GATAD2B: variants seen among roughly 807,000 people sequenced by gnomAD.
GATAD2B encodes the protein GATA zinc finger domain containing 2B.
Under a neutral mutation model 64.3 loss-of-function variants are expected in GATAD2B, and 8 were observed. That is an observed-to-expected ratio of 0.12 (90% confidence interval 0.07 to 0.22). GATAD2B has a LOEUF of 0.22. GATAD2B is among the 10% of genes least tolerant of loss of function. GATAD2B has a pLI of 1.00. For missense variants in GATAD2B, 453 were observed against 752.0 expected, an observed-to-expected ratio of 0.60 and a Z score of 4.65; for synonymous variants, 281 against 271.3, an observed-to-expected ratio of 1.04 and a Z score of -0.35.
intron 1 of GATAD2B, among the ~76,000 whole-genome samples, chr1:153,915,056 C>G (rs1025729284): frequency 1.3e-5 from 2 of 152,212 alleles, no homozygotes; most frequent in African/African-American, 4.8e-5. Context: ...AACTCTGACT[C>G]TGCTAAAAAC....
chr1:153,900,193 G>A (rs976111371), intron 1 of GATAD2B, among the ~76,000 whole-genome samples: 12 of 152,098 alleles, frequency 7.9e-5, no homozygotes, highest in African/African-American at 2.9e-4. Flanking sequence ...CGAGGCAGGC[G>A]GATCACGAGG....
At chr1:153,824,117 A>G (rs1674784704) in intron 2 of GATAD2B, among the ~76,000 whole-genome samples, 1 of 152,168 alleles carries the variant, frequency 6.6e-6, no homozygotes, top group African/African-American at 2.4e-5. Context: ...ATTGTGTTTC[A>G]AAAGATCACC....
At chr1:153,907,525 T>C (rs952802130) in intron 1 of GATAD2B, among the ~76,000 whole-genome samples, 4 of 152,162 alleles carry the variant, frequency 2.6e-5, no homozygotes, top group South Asian at 2.1e-4. Context: ...TAGTTCAATA[T>C]ATACAAAGTT....
chr1:153,829,519 C>T (rs767103372), intron 1 of GATAD2B, among the ~76,000 whole-genome samples: 22 of 151,502 alleles, frequency 1.5e-4, no homozygotes, highest in Admixed American at 2.6e-4. Flanking sequence ...GGGTGGATCA[C>T]GAGGTCAGGA....
intron 1 of GATAD2B, among the ~76,000 whole-genome samples, chr1:153,914,270 C>G (rs1202565835): frequency 6.7e-6 from 1 of 148,460 alleles, no homozygotes; most frequent in African/African-American, 2.5e-5. Flanking sequence ...GAGCAAAGCT[C>G]AACTTGTGTA....
chr1:153,876,996 G>A (rs1041848844), intron 1 of GATAD2B, among the ~76,000 whole-genome samples: 4 of 151,848 alleles, frequency 2.6e-5, no homozygotes, highest in Admixed American at 2.6e-4. Flanking sequence ...CAGCCTGGGT[G>A]AAAGGCGAGA....
chr1:153,904,076 C>T (rs1025249065), intron 1 of GATAD2B, among the ~76,000 whole-genome samples: 2 of 151,982 alleles, frequency 1.3e-5, no homozygotes. Context: ...GTCAGGAGTT[C>T]GAGACCAGTC....
chr1:153,897,885 C>T (rs539842113), intron 1 of GATAD2B, among the ~76,000 whole-genome samples: 2 of 151,920 alleles, frequency 1.3e-5, no homozygotes, highest in South Asian at 2.1e-4. Context: ...GTGGCTCACA[C>T]CTGTAATCCC....
At chr1:153,827,701 G>T in intron 2 of GATAD2B, 1 of 316,582 alleles carries the variant, frequency 3.2e-6, no homozygotes, top group Admixed American at 4.5e-5. Flanking sequence ...TCCTAAGACG[G>T]CCATGAAGAT....
intron 1 of GATAD2B, among the ~76,000 whole-genome samples, chr1:153,871,055 C>T (rs1041248010): frequency 3.3e-5 from 5 of 150,974 alleles, no homozygotes; most frequent in Admixed American, 6.6e-5. Flanking sequence ...GGTGCTACCA[C>T]GCCTGGTGTT....
At chr1:153,894,786 C>A (rs925430959) in intron 1 of GATAD2B, among the ~76,000 whole-genome samples, 1 of 151,246 alleles carries the variant, frequency 6.6e-6, no homozygotes, top group African/African-American at 2.4e-5. Context: ...CGCTTGAACC[C>A]GAGAGGCAGA....
intron 1 of GATAD2B, among the ~76,000 whole-genome samples, chr1:153,833,155 T>C (rs1018501757): frequency 3.3e-5 from 5 of 152,180 alleles, no homozygotes; most frequent in Non-Finnish European, 7.3e-5. Context: ...TGTAGAGCAC[T>C]ATGATTGCAC....
At chr1:153,815,297 A>C (rs1484393658) in intron 7 of GATAD2B, among the ~76,000 whole-genome samples, 2 of 148,582 alleles carry the variant, frequency 1.3e-5, no homozygotes, top group African/African-American at 4.9e-5. Flanking sequence ...AAAAAACAAA[A>C]AAAAAAAAAA....
chr1:153,910,001 G>A (rs1197781469), intron 1 of GATAD2B, among the ~76,000 whole-genome samples: 1 of 150,984 alleles, frequency 6.6e-6, no homozygotes, highest in Non-Finnish European at 1.5e-5. Context: ...TGTAGTTCCA[G>A]CCACTCAGGA....
Position 153,828,015 on chromosome 1 carries a change from C to T in GATAD2B, c.333G>A (p.Arg111=). ...GAGGCAGCTGAACTGAGCCATACCT[C>T]CGTCTAGCACTCATATCCACAGGCT... ...NDEPVDMSAR[R]SEPERGRLTP... The change falls in exon 2 of 11, where the codon CGG becomes CGA. Residue 111 remains arginine (R), a splice_region_variant and synonymous_variant. Coordinates refer to ENST00000368655, the MANE Select transcript of GATAD2B (RefSeq NM_020699.4). 3 of 1,611,962 alleles carry T rather than the reference C, an allele frequency of 1.9e-6. No individual in the cohort carries two copies. The highest frequency in any genetic ancestry group is 1.1e-5 in the South Asian group (1 of 91,004).
At chr1:153,829,830 T>C (rs970395813) in intron 1 of GATAD2B, among the ~76,000 whole-genome samples, 1 of 152,012 alleles carries the variant, frequency 6.6e-6, no homozygotes, top group African/African-American at 2.4e-5. Flanking sequence ...CCGGGTGCAG[T>C]GGCTCACGCT....
chr1:153,819,692 CAAT>C lies in GATAD2B; in HGVS notation c.376_378del (p.Ile126del). 1.9e-6 allele frequency: 3 copies of C among 1,610,756 alleles called. No homozygotes were observed. The highest frequency in any genetic ancestry group is 2.5e-6 in the Non-Finnish European group (3 of 1,178,094). ...CTGGAAGCCTCATTGTCAGACAAAA[CAAT>C]GATGTCTGGTGAGGGAGTTAGCCTT... On this transcript the variant is annotated inframe_deletion, in exon 3 of 11. Coordinates refer to ENST00000368655, the MANE Select transcript of GATAD2B (RefSeq NM_020699.4).
chr1:153,922,402 AG>A (rs1231088874), intron 1 of GATAD2B, among the ~76,000 whole-genome samples: 1 of 150,684 alleles, frequency 6.6e-6, no homozygotes, highest in Non-Finnish European at 1.5e-5. Flanking sequence ...GAGGGGAGAA[AG>A]AGTACAAGGA....
intron 1 of GATAD2B, among the ~76,000 whole-genome samples, chr1:153,907,105 G>T (rs998974131): frequency 1.3e-5 from 2 of 152,104 alleles, no homozygotes; most frequent in African/African-American, 4.8e-5. Context: ...CTCAAAAACC[G>T]AATTATCATG....
Sources: allele counts gnomAD v4.1 joint callset (sites outside exome capture counted in the v4.1 genomes callset), GRCh38; gene constraint gnomAD v4.1.1; transcripts MANE v1.5; gene names NCBI Gene and HGNC (gene_info 2026-07-23, HGNC 2026-07-21).